Variants in APBB2 observed in about 807,000 individuals in gnomAD.
APBB2 encodes the protein amyloid beta precursor protein binding family B member 2.
In APBB2, 38 loss-of-function variants were observed where a neutral mutation model predicts 82.5. The observed-to-expected ratio is 0.46, with a 90% CI of 0.36 to 0.60. APBB2 has a LOEUF of 0.60. APBB2 is among the 20% of genes least tolerant of loss of function. The pLI is 0.00. For missense variants in APBB2, 772 were observed against 972.3 expected, an observed-to-expected ratio of 0.79 and a Z score of 2.74; for synonymous variants, 341 against 368.2, an observed-to-expected ratio of 0.93 and a Z score of 0.85.
At chr4:41,075,670 A>G (rs566816401) in intron 3 of APBB2, among the ~76,000 whole-genome samples, 2 of 152,278 alleles carry the variant, frequency 1.3e-5, no homozygotes, top group African/African-American at 4.8e-5. Context: ...AACTGACCCA[A>G]CTGTGATTAT....
At chr4:40,884,625 T>TA (rs1275454575) in intron 12 of APBB2, among the ~76,000 whole-genome samples, 21 of 151,222 alleles carry the variant, frequency 1.4e-4, no homozygotes, top group African/African-American at 2.7e-4. Flanking sequence ...AAAATAAAAA[T>TA]AAAAAAAACA....
intron 12 of APBB2, among the ~76,000 whole-genome samples, chr4:40,885,652 A>G (rs1176435047): frequency 1.3e-5 from 2 of 152,226 alleles, no homozygotes; most frequent in East Asian, 1.9e-4. Flanking sequence ...AGCAGGCCCA[A>G]TGGGGTCTCC....
Position 40,840,665 on chromosome 4 carries a change from T to C in APBB2, c.1530-10088A>G, listed in dbSNP as rs561856397. Among the ~76,000 whole-genome samples the C allele has an allele frequency of 2.0e-5, 3 of 152,290 alleles. No individual in the cohort carries two copies. In the South Asian group the frequency reaches 6.2e-4, roughly 32 times the overall value. Reference sequence around the variant, plus strand: ...AGGAGTATCCCAGGTACTCGTCACCTGGGTAAACACACAGGCTTAGCAGGG... The same window carrying C: ...AGGAGTATCCCAGGTACTCGTCACCCGGGTAAACACACAGGCTTAGCAGGG... On this transcript the variant is annotated intron_variant, in intron 12 of 17. Transcript: ENST00000508593.
intron 6 of APBB2, among the ~76,000 whole-genome samples, chr4:40,957,803 C>T (rs954645594): frequency 2.2e-4 from 34 of 152,180 alleles, no homozygotes; most frequent in Non-Finnish European, 4.1e-4. Flanking sequence ...AGGCTGGTCT[C>T]GAACTCCTGA....
At chr4:40,850,041 T>C (rs1577947863) in intron 12 of APBB2, among the ~76,000 whole-genome samples, 1 of 152,224 alleles carries the variant, frequency 6.6e-6, no homozygotes, top group Admixed American at 6.5e-5. Context: ...TTACTTTTTA[T>C]AGGCAGTTTG....
chr4:40,950,963 T>G (rs544849848), intron 6 of APBB2, among the ~76,000 whole-genome samples: 7 of 152,080 alleles, frequency 4.6e-5, no homozygotes, highest in African/African-American at 1.7e-4. Flanking sequence ...TACAAACATA[T>G]CATTGATCAA....
intron 1 of APBB2, among the ~76,000 whole-genome samples, chr4:41,208,539 G>A (rs973969500): frequency 2.6e-5 from 4 of 152,078 alleles, no homozygotes; most frequent in Admixed American, 1.3e-4. Flanking sequence ...TAGGATTACA[G>A]GCATGAGCCA....
intron 5 of APBB2, among the ~76,000 whole-genome samples, chr4:41,025,866 T>TG (rs1453905648): frequency 1.8e-5 from 1 of 56,754 alleles, no homozygotes; most frequent in Non-Finnish European, 3.3e-5. Context: ...GGGTAGGGGT[T>TG]GGGGGGTGGA....
chr4:40,930,065 C>G (rs919868321), intron 10 of APBB2, among the ~76,000 whole-genome samples: 10 of 152,208 alleles, frequency 6.6e-5, no homozygotes, highest in African/African-American at 2.4e-4. Context: ...ACACAGTCTC[C>G]TAGGCTGGGT....
At chr4:41,213,827 T>G (rs186374739) in intron 1 of APBB2, among the ~76,000 whole-genome samples, 2 of 152,186 alleles carry the variant, frequency 1.3e-5, no homozygotes, top group Admixed American at 6.5e-5. Flanking sequence ...CCCCCTTTCA[T>G]GTCTCATGGG....
At chr4:41,180,530 G>T (rs1350523015) in intron 1 of APBB2, among the ~76,000 whole-genome samples, 1 of 144,736 alleles carries the variant, frequency 6.9e-6, no homozygotes, top group Non-Finnish European at 1.5e-5. Context: ...ACTACTTGAT[G>T]GGGGGGCAGA....
At chr4:41,120,579 A>T (rs896576653) in intron 2 of APBB2, among the ~76,000 whole-genome samples, 6 of 152,176 alleles carry the variant, frequency 3.9e-5, no homozygotes, top group Non-Finnish European at 1.5e-5. Context: ...TGGAAAAGGG[A>T]GTTTTCTTTT....
At chr4:41,066,244 A>G (rs552925255) in intron 3 of APBB2, among the ~76,000 whole-genome samples, 10 of 152,222 alleles carry the variant, frequency 6.6e-5, no homozygotes, top group Non-Finnish European at 1.5e-4. Context: ...ATGAAAAACC[A>G]GAACATTATC....
Position 41,048,678 on chromosome 4 carries a change from C to T in APBB2, c.-50-15374G>A, listed in dbSNP as rs536445798. ...CTCCCTCTCCCTCCCGTCTCCCCTACGGTCTCCCTCTCCCTCTCCTTCCAC... is the reference window on the plus strand; with the variant it reads ...CTCCCTCTCCCTCCCGTCTCCCCTATGGTCTCCCTCTCCCTCTCCTTCCAC... On this transcript the variant is annotated intron_variant, in intron 4 of 17. Coordinates refer to ENST00000508593, the MANE Select transcript of APBB2 (RefSeq NM_004307.2). Among the ~76,000 whole-genome samples the T allele has an allele frequency of 1.7e-4, 25 of 143,304 alleles. 1 individual carries two copies. Among genetic ancestry groups the T allele is most frequent in the Non-Finnish European group, 3.2e-4 (21 of 65,492 alleles). The allele number at this position is 143,304 out of a possible 152,430, so 94.0% of individuals were successfully genotyped here. A position where few individuals can be genotyped will look rare whatever the true frequency, so the allele number is the denominator to read the frequency against.
At chr4:40,893,497 A>C in intron 10 of APBB2, 86 bp from the exon 11 acceptor site, 6 of 1,322,492 alleles carry the variant, frequency 4.5e-6, no homozygotes, top group Non-Finnish European at 6.1e-6. Flanking sequence ...CGCAACTAAA[A>C]GGTACTACAC....
At chr4:40,902,305 C>T (rs867391601) in intron 10 of APBB2, among the ~76,000 whole-genome samples, 22 of 152,138 alleles carry the variant, frequency 1.4e-4, no homozygotes, top group Admixed American at 1.2e-3. Context: ...TCAGGGCTAG[C>T]GAAAGCTTTC....
chr4:41,041,278 A>T (rs1399230866), intron 4 of APBB2, among the ~76,000 whole-genome samples: 1 of 152,214 alleles, frequency 6.6e-6, no homozygotes, highest in African/African-American at 2.4e-5. Context: ...AAATCCTTTA[A>T]ATTGCCTGCT....
At chr4:41,056,717 C>A (rs1214303012) in intron 4 of APBB2, among the ~76,000 whole-genome samples, 1 of 152,186 alleles carries the variant, frequency 6.6e-6, no homozygotes, top group African/African-American at 2.4e-5. Flanking sequence ...TTAACTGTAC[C>A]TTTTCCCTCA....
At chr4:41,195,810 A>G in intron 1 of APBB2, among the ~76,000 whole-genome samples, 2 of 152,024 alleles carry the variant, frequency 1.3e-5, no homozygotes, top group Admixed American at 6.6e-5. Flanking sequence ...CCTTCCCGCC[A>G]TATGCACAAC....
Sources: allele counts gnomAD v4.1 joint callset (sites outside exome capture counted in the v4.1 genomes callset), GRCh38; gene constraint gnomAD v4.1.1; transcripts MANE v1.5; gene names NCBI Gene and HGNC (gene_info 2026-07-23, HGNC 2026-07-21).